The following LEPR variants were observed in gnomAD, a reference collection of about 807,000 sequenced individuals.
LEPR encodes leptin receptor, also known as OB receptor.
In LEPR, 56 loss-of-function variants were observed where a neutral mutation model predicts 114.7. The ratio of observed to expected loss-of-function variants is 0.49; its 90% CI spans 0.39 to 0.61. The LOEUF (loss-of-function observed/expected upper bound fraction) is 0.61. Ranked by LOEUF, LEPR falls within the 20% of genes least tolerant of loss-of-function variation. The pLI, the probability that LEPR is intolerant of heterozygous loss-of-function variation, is 0.00. For missense variants in LEPR, 1,202 were observed against 1,352.9 expected (o/e 0.89, Z 1.75); for synonymous variants, 443 against 461.4 (o/e 0.96, Z 0.51).
chr1:65,475,144 G>C (rs969924165), intron 2 of LEPR, among the ~76,000 whole-genome samples: 8 of 150,562 alleles, frequency 5.3e-5, no homozygotes, highest in African/African-American at 2.0e-4. Context: ...GGGAAAGATA[G>C]CCTTAAACAT....
intron 2 of LEPR, among the ~76,000 whole-genome samples, chr1:65,521,819 G>T (rs1649647210): frequency 6.6e-6 from 1 of 152,050 alleles, no homozygotes; most frequent in Non-Finnish European, 1.5e-5. Flanking sequence ...TCTATTGCTG[G>T]CTGGGCACGG....
At chr1:65,490,394 T>G (rs550958457) in intron 2 of LEPR, among the ~76,000 whole-genome samples, 222 of 152,244 alleles carry the variant, frequency 1.5e-3, no homozygotes, top group Non-Finnish European at 2.6e-3. Flanking sequence ...CACAGTTTAT[T>G]TAGAGCCTTG....
At chr1:65,440,779 C>T (rs950994661) in intron 2 of LEPR, among the ~76,000 whole-genome samples, 5 of 152,070 alleles carry the variant, frequency 3.3e-5, no homozygotes, top group Non-Finnish European at 2.9e-5. Context: ...AGAGATGAGA[C>T]GCCACTAGAG....
At chr1:65,626,352 T>C in intron 19 of LEPR, 1 of 1,263,868 alleles carries the variant, frequency 7.9e-7, no homozygotes, top group Non-Finnish European at 1.0e-6. Context: ...TGGGTGTGAA[T>C]GTTCTTATTT....
At chr1:65,449,138 C>T (rs1646748530) in intron 2 of LEPR, among the ~76,000 whole-genome samples, 1 of 152,238 alleles carries the variant, frequency 6.6e-6, no homozygotes. Context: ...TAGCGATCCA[C>T]CTGCCTTGGC....
At chr1:65,540,484 C>G (rs1164970724) in intron 2 of LEPR, among the ~76,000 whole-genome samples, 2 of 152,076 alleles carry the variant, frequency 1.3e-5, no homozygotes, top group Admixed American at 1.3e-4. Context: ...CTGGCATCTT[C>G]TTCCACCCTC....
intron 2 of LEPR, among the ~76,000 whole-genome samples, chr1:65,542,217 C>T (rs1782763): frequency 0.66 from 99,621 of 151,872 alleles, 33,792 homozygotes; most frequent in Middle Eastern, 0.78. Flanking sequence ...TCTTTGTATA[C>T]TTTATACAGA....
chr1:65,445,308 A>G (rs1646700258), intron 2 of LEPR, among the ~76,000 whole-genome samples: 1 of 152,228 alleles, frequency 6.6e-6, no homozygotes, highest in Non-Finnish European at 1.5e-5. Context: ...ATAAATAAAT[A>G]AAGGTCAACT....
intron 2 of LEPR, among the ~76,000 whole-genome samples, chr1:65,426,130 G>A (rs1192444527): frequency 7.5e-6 from 1 of 134,104 alleles, no homozygotes; most frequent in African/African-American, 3.9e-5. Flanking sequence ...CTCAGAGGAG[G>A]TAAAAAGTGA....
At chr1:65,435,525 G>A (rs6658922) in intron 2 of LEPR, 134,736 of 382,108 alleles carry the variant, frequency 0.35, 26,833 homozygotes, top group Non-Finnish European at 0.4. Flanking sequence ...CCGCCACCAC[G>A]CCTGGCTAAT....
intron 2 of LEPR, among the ~76,000 whole-genome samples, chr1:65,529,461 C>T (rs1235717385): frequency 1.4e-5 from 2 of 147,250 alleles, no homozygotes; most frequent in East Asian, 2.1e-4. Context: ...ACGGAGGTTG[C>T]AGTGAGCCAA....
intron 2 of LEPR, among the ~76,000 whole-genome samples, chr1:65,549,661 T>C (rs528935806): frequency 6.5e-4 from 98 of 151,664 alleles, no homozygotes; most frequent in Non-Finnish European, 9.9e-4. Flanking sequence ...CTTTCAGCTC[T>C]ATCAGCTCCT....
rs138724121 is a variant in LEPR at position 65,636,720 on chromosome 1, C to T, written c.3203C>T (p.Pro1068Leu). ...CTTTTGAAATTGGAGGGAAATTTCC[C>T]TGAAGAAAATAATGATAAAAAGTCT... ...DELLKLEGNF[P>L]EENNDKKSIY... The change falls in exon 20 of 20, where the codon CCT (proline) becomes CTT (leucine). Residue 1068 changes from proline (P) to leucine (L), a missense_variant. Coordinates refer to ENST00000349533, the MANE Select transcript of LEPR (RefSeq NM_002303.6). The T allele has an allele frequency of 1.2e-6, 2 of 1,608,946 alleles. No homozygotes were observed. Among genetic ancestry groups the T allele is most frequent in the South Asian group, 1.1e-5 (1 of 89,710 alleles).
intron 5 of LEPR, 135 bp from the exon 6 acceptor site, chr1:65,592,522 T>G (rs1478219490): frequency 2.9e-5 from 12 of 416,778 alleles, no homozygotes; most frequent in Admixed American, 8.0e-5. Context: ...TAATGTAGGG[T>G]TTTTTTTTTT....
rs202044069 is a variant in LEPR, at chr1:65,519,109, CTCCTTCCTTCCTTCCT to C, written c.-20-46407_-20-46392del. On this transcript the variant is annotated intron_variant, in intron 2 of 19. Coordinates refer to ENST00000349533, the MANE Select transcript of LEPR (RefSeq NM_002303.6). The stretch of plus-strand genomic sequence containing the variant: ...TTCCTTCCATCCTCTGTGTCTCTCT[CTCCTTCCTTCCTTCCT>C]TCCTTCCTTCCTTCCTTCCTTCCTT... Among the ~76,000 whole-genome samples the C allele has an allele frequency of 7.7e-4, 84 of 109,678 alleles. 1 individual carries two copies. The highest frequency in any genetic ancestry group is 2.8e-3 in the African/African-American group (77 of 27,578). The allele number at this position is 109,678 out of a possible 152,430, so 72.0% of individuals were successfully genotyped here.
intron 2 of LEPR, chr1:65,435,280 G>T: frequency 1.0e-6 from 1 of 984,964 alleles, no homozygotes; most frequent in Non-Finnish European, 1.2e-6. Flanking sequence ...CTGTTTTCAA[G>T]GCTGAAATAG....
intron 2 of LEPR, among the ~76,000 whole-genome samples, chr1:65,555,340 A>G (rs1268284069): frequency 6.6e-6 from 1 of 152,240 alleles, no homozygotes; most frequent in Non-Finnish European, 1.5e-5. Context: ...TTTGAGACCC[A>G]CATATCACCT....
At chr1:65,480,705 C>CA (rs1405001813) in intron 2 of LEPR, among the ~76,000 whole-genome samples, 2 of 151,712 alleles carry the variant, frequency 1.3e-5, no homozygotes, top group Non-Finnish European at 2.9e-5. Flanking sequence ...CCCCATTTTA[C>CA]AAAAGAGGAA....
intron 2 of LEPR, among the ~76,000 whole-genome samples, chr1:65,483,220 A>G (rs1647307868): frequency 6.6e-6 from 1 of 151,704 alleles, no homozygotes. Flanking sequence ...TCTAGCAAAT[A>G]ATTAGTATTC....
Sources: gnomAD v4.1 joint callset for allele counts (sites outside exome capture counted in the v4.1 genomes callset) on GRCh38, gnomAD v4.1.1 for gene constraint, MANE v1.5 for transcripts, NCBI Gene and HGNC (gene_info 2026-07-23, HGNC 2026-07-21) for gene names.